The following MAX variants were observed in gnomAD, a reference collection of about 807,000 sequenced individuals.
The protein encoded by MAX is protein max.
In MAX, 3 loss-of-function variants were observed where a neutral mutation model predicts 22.3. The observed-to-expected ratio is 0.13, with a 90% CI of 0.06 to 0.35. The LOEUF (loss-of-function observed/expected upper bound fraction) is 0.35, where lower values mean the gene tolerates loss of function less well. Among genes scored for constraint, MAX ranks in the 10% least tolerant of loss-of-function variants. The pLI is 1.00. For synonymous variants in MAX, 72 were observed against 77.7 expected (o/e 0.93, Z 0.39); for missense variants, 119 against 209.4 (o/e 0.57, Z 2.66).
At chr14:65,042,268 C>T (rs2093990) in intron 3 of MAX, among the ~76,000 whole-genome samples, 150,370 of 152,334 alleles carry the variant, frequency 0.99, 74,221 homozygotes, top group Middle Eastern at 1. Context: ...TATTATTACA[C>T]TGTAATATAT....
Position 65,054,815 on chromosome 14 carries a change from C to T in MAX, c.171+38893G>A, listed in dbSNP as rs778536477. ...AGGCGGAAGCTTGTGGTCCCTCTGCCCTTCGAGCTGTGCAGCCGTTAGTGA... is the reference window on the plus strand; with the variant it reads ...AGGCGGAAGCTTGTGGTCCCTCTGCTCTTCGAGCTGTGCAGCCGTTAGTGA... On this transcript the variant is annotated intron_variant, in intron 3 of 3. Transcript: ENST00000341653. This position sits in a 1 kb window ranked among gnomAD's most constrained non-coding sequence, Gnocchi z 4.4. 7 of 1,059,794 alleles carry T rather than the reference C, an allele frequency of 6.6e-6. No individual in the cohort carries two copies. Among genetic ancestry groups the T allele is most frequent in the Non-Finnish European group, 9.5e-6 (7 of 733,686 alleles). The allele number at this position is 1,059,794 out of a possible 1,614,324, so 65.6% of individuals were successfully genotyped here.
intron 3 of MAX, among the ~76,000 whole-genome samples, chr14:65,089,309 C>CA (rs1196214947): frequency 6.6e-6 from 1 of 152,136 alleles, no homozygotes; most frequent in Admixed American, 6.5e-5. Context: ...ATTCTCACCT[C>CA]AAAATCAAGA....
chr14:65,037,416 T>C (rs1436799705), intron 3 of MAX, among the ~76,000 whole-genome samples: 11 of 93,866 alleles, frequency 1.2e-4, no homozygotes, highest in South Asian at 3.6e-4. Context: ...TTTTTTTTTT[T>C]TTTTTTTTTT....
chr14:65,054,218 T>G lies in MAX; in HGVS notation c.171+39490A>C, dbSNP rs556661292. Among the ~76,000 whole-genome samples the G allele has an allele frequency of 1.3e-5, 2 of 152,220 alleles. No homozygotes were observed. Among genetic ancestry groups the G allele is most frequent in the African/African-American group, 4.8e-5 (2 of 41,544 alleles). On this transcript the variant is annotated intron_variant, in intron 3 of 3. Coordinates refer to the MAX transcript ENST00000341653. This position sits in a 1 kb window ranked among gnomAD's most constrained non-coding sequence, Gnocchi z 4.4. The stretch of plus-strand genomic sequence containing the variant: ...GCCTTCACCTCTTGGGCTCGAGTGA[T>G]CCTCCTGCTTCAGCCTCCCAAGTAA...
chr14:65,088,994 A>G lies in MAX; in HGVS notation c.171+4714T>C, dbSNP rs8181938. On this transcript the variant is annotated intron_variant, in intron 3 of 4. Transcript: ENST00000358664. This position sits in a 1 kb window ranked among gnomAD's most constrained non-coding sequence, Gnocchi z 5.2. Reference sequence around the variant, plus strand: ...AATGAAACTGAGATTAACTCAATGTAAAGCTCTTATCTGATGCTCAGCATG... The same window carrying G: ...AATGAAACTGAGATTAACTCAATGTGAAGCTCTTATCTGATGCTCAGCATG... Among the ~76,000 whole-genome samples, 41,948 of 151,980 alleles carry G rather than the reference A, an allele frequency of 0.28. 6,467 individuals carry two copies. Among genetic ancestry groups the G allele is most frequent in the Non-Finnish European group, 0.35 (23,529 of 67,906 alleles).
chr14:65,094,708 G>C (rs993005766), intron 2 of MAX, among the ~76,000 whole-genome samples: 13 of 152,240 alleles, frequency 8.5e-5, no homozygotes, highest in Non-Finnish European at 4.4e-5. Flanking sequence ...AAAATGCTCT[G>C]GCTTCAGGCA....
At chr14:65,096,312 C>G (rs976609179) in intron 2 of MAX, among the ~76,000 whole-genome samples, 1 of 152,134 alleles carries the variant, frequency 6.6e-6, no homozygotes, top group African/African-American at 2.4e-5. Context: ...GAGACAATGG[C>G]AAGGATGTAT....
chr14:65,077,381 G>T lies in MAX; in HGVS notation c.295+532C>A. 1 of 1,613,970 alleles carries T rather than the reference G, an allele frequency of 6.2e-7. No individual in the cohort carries two copies. Among genetic ancestry groups the T allele is most frequent in the Non-Finnish European group, 8.5e-7 (1 of 1,179,832 alleles). On this transcript the variant is annotated intron_variant, in intron 4 of 4. Transcript: ENST00000358664. This position sits in a 1 kb window ranked among gnomAD's most constrained non-coding sequence, Gnocchi z 6.3. ...TTGCATCTTCCATGAGGGAGGAAGA[G>T]AAGTGAATTCCCCAGGAACAAAGAA...
chr14:65,044,556 G>C lies in MAX; in HGVS notation c.172-38272C>G. On this transcript the variant is annotated intron_variant, in intron 3 of 3. Transcript: ENST00000341653. The surrounding 1 kb of genome is among the most constrained non-coding windows in gnomAD (Gnocchi z 5.5). ...GGTTGAAATGAGCTCTGTCTATCCT[G>C]GATTTTGAGTGCCCAGTGTGGAACC... 1 of 1,461,772 alleles carries C rather than the reference G, an allele frequency of 6.8e-7. No individual in the cohort carries two copies. Among genetic ancestry groups the C allele is most frequent in the East Asian group, 2.5e-5 (1 of 40,250 alleles). The allele number at this position is 1,461,772 out of a possible 1,614,324, so 90.6% of individuals were successfully genotyped here.
In MAX at chr14:65,062,243, C is replaced by G. The variant is rs539337859; in HGVS notation, c.171+31465G>C. 8.5e-5 allele frequency: 13 copies of G among 152,434 alleles called. No homozygotes were observed. Among genetic ancestry groups the G allele is most frequent in the African/African-American group, 3.1e-4 (13 of 41,604 alleles). The allele number at this position is 152,434 out of a possible 1,614,324, so 9.4% of individuals were successfully genotyped here. A position where few individuals can be genotyped will look rare whatever the true frequency, so the allele number is the denominator to read the frequency against. On this transcript the variant is annotated intron_variant, in intron 3 of 3. Transcript: ENST00000341653. The surrounding 1 kb of genome is among the most constrained non-coding windows in gnomAD (Gnocchi z 4.3). ...TCTTTTCTCACCAAGAGTATTAACA[C>G]TACTAAGTCTTTCACCTTAACTTAT...
chr14:65,065,637 T>G (rs1445949559), intron 3 of MAX, among the ~76,000 whole-genome samples: 1 of 152,208 alleles, frequency 6.6e-6, no homozygotes, highest in East Asian at 1.9e-4. Flanking sequence ...AAATACAGTA[T>G]TATGATCTCA....
Position 65,047,163 on chromosome 14 carries a change from T to G in MAX, c.172-40879A>C, listed in dbSNP as rs2062502353. ...TGCCACTACTACTGGTAGCGGAGTCTTCCCAAGCCCTCACTGTATGCCAGG... is the reference window on the plus strand; with the variant it reads ...TGCCACTACTACTGGTAGCGGAGTCGTCCCAAGCCCTCACTGTATGCCAGG... On this transcript the variant is annotated intron_variant, in intron 3 of 3. Coordinates refer to the MAX transcript ENST00000341653. This position sits in a 1 kb window ranked among gnomAD's most constrained non-coding sequence, Gnocchi z 5.2. 6.6e-6 allele frequency among the ~76,000 whole-genome samples: 1 copy of G among 152,242 alleles called. No homozygotes were observed. The highest frequency in any genetic ancestry group is 1.5e-5 in the Non-Finnish European group (1 of 68,036).
intron 1 of MAX, chr14:65,101,792 A>G: frequency 1.8e-6 from 1 of 564,130 alleles, no homozygotes; most frequent in South Asian, 2.1e-5. Context: ...TCCTTCCGGG[A>G]TCCGACCTGG....
chr14:65,059,022 CT>C (rs2062803982), intron 3 of MAX, among the ~76,000 whole-genome samples: 1 of 151,816 alleles, frequency 6.6e-6, no homozygotes, highest in Non-Finnish European at 1.5e-5. Context: ...TACCTTTTTT[CT>C]TTTTCTTTTC....
intron 3 of MAX, among the ~76,000 whole-genome samples, chr14:65,024,283 A>G (rs1349196803): frequency 1.1e-4 from 17 of 152,118 alleles, no homozygotes. Flanking sequence ...TCCCACCCAT[A>G]GTGATTCCGG....
intron 2 of MAX, among the ~76,000 whole-genome samples, chr14:65,095,968 AC>A (rs978587764): frequency 1.3e-5 from 2 of 151,740 alleles, no homozygotes; most frequent in Non-Finnish European, 2.9e-5. Flanking sequence ...ACAATGCACT[AC>A]CCCCTCCCAT....
chr14:65,044,321 C>T lies in MAX; in HGVS notation c.172-38037G>A, dbSNP rs2062427584. ...TCTGTGTCTCCTCAGCAATGGGTGACAAGCCGGCAGATGCGATTTGAAGGA... is the reference window on the plus strand; with the variant it reads ...TCTGTGTCTCCTCAGCAATGGGTGATAAGCCGGCAGATGCGATTTGAAGGA... On this transcript the variant is annotated intron_variant, in intron 3 of 3. Coordinates refer to the MAX transcript ENST00000341653. This position sits in a 1 kb window ranked among gnomAD's most constrained non-coding sequence, Gnocchi z 5.5. 6.2e-7 allele frequency: 1 copy of T among 1,613,448 alleles called. No individual in the cohort carries two copies. Among genetic ancestry groups the T allele is most frequent in the Non-Finnish European group, 8.5e-7 (1 of 1,179,792 alleles).
chr14:65,097,738 T>C (rs188179911), intron 2 of MAX, among the ~76,000 whole-genome samples: 99 of 152,310 alleles, frequency 6.5e-4, no homozygotes, highest in Non-Finnish European at 1.0e-4. Flanking sequence ...TTCTGATAGA[T>C]AAGAACAAGA....
rs1438423628 is a variant in MAX at position 65,040,273 on chromosome 14, ATATATGTGTG to A, written c.172-33999_172-33990del. ...TATATATATATGTATATATATGTAT[ATATATGTGTG>A]TATATATATATATGTATATATATGT... is the stretch of plus-strand genomic sequence containing the variant. On this transcript the variant is annotated intron_variant, in intron 3 of 3. Transcript: ENST00000341653. 1.7e-4 allele frequency among the ~76,000 whole-genome samples: 25 copies of A among 149,042 alleles called. No individual in the cohort carries two copies. In the South Asian group the frequency reaches 5.4e-3, roughly 32 times the overall value.
Sources: allele counts gnomAD v4.1 joint callset (sites outside exome capture counted in the v4.1 genomes callset), GRCh38; gene constraint gnomAD v4.1.1; non-coding constraint Gnocchi (gnomAD v3.1); transcripts MANE v1.5; gene names NCBI Gene and HGNC (gene_info 2026-07-23, HGNC 2026-07-21).